The following ETF1 variants were observed in gnomAD, a reference collection of about 807,000 sequenced individuals.
The protein encoded by ETF1 is eukaryotic peptide chain release factor subunit 1.
In ETF1, 4 loss-of-function variants were observed where a neutral mutation model predicts 55.1. That is an observed-to-expected ratio of 0.07 (90% CI 0.04 to 0.17). ETF1 has a LOEUF of 0.17. ETF1 is among the 10% of genes least tolerant of loss of function. The pLI, the probability that ETF1 is intolerant of heterozygous loss-of-function variation, is 1.00. For missense variants in ETF1, 142 were observed against 523.6 expected (o/e 0.27, Z 7.11); for synonymous variants, 157 against 182.3 (o/e 0.86, Z 1.12).
chr5:138,535,535 C>G (rs1276217968), intron 2 of ETF1, among the ~76,000 whole-genome samples: 2 of 151,910 alleles, frequency 1.3e-5, no homozygotes, highest in East Asian at 3.9e-4. Context: ...GCTTTGCCAA[C>G]ATGGCAAAAC....
chr5:138,542,563 G>T, intron 2 of ETF1: 1 of 1,290,454 alleles, frequency 7.7e-7, no homozygotes, highest in Non-Finnish European at 1.0e-6. Flanking sequence ...GCCCGGGAGA[G>T]GTGCAAAAGT....
chr5:138,508,302 T>C lies in ETF1; in HGVS notation c.*3A>G, dbSNP rs1455443956. ...CACGTTTTGCCGGACCCATGTCGAC[T>C]ACCTAGTAGTCATCAAGGTCAAAAA... On this transcript the variant is annotated 3_prime_UTR_variant, in exon 11 of 11. Transcript: ENST00000360541. 2 of 1,611,646 alleles carry C rather than the reference T, an allele frequency of 1.2e-6. No individual in the cohort carries two copies. Among genetic ancestry groups the C allele is most frequent in the Admixed American group, 1.7e-5 (1 of 59,664 alleles).
chr5:138,542,011 T>G (rs1434396089), intron 2 of ETF1, among the ~76,000 whole-genome samples: 1 of 152,098 alleles, frequency 6.6e-6, no homozygotes, highest in Non-Finnish European at 1.5e-5. Context: ...TGAATCTCAC[T>G]CAACAAGCAT....
intron 2 of ETF1, among the ~76,000 whole-genome samples, chr5:138,537,339 C>T (rs1218338632): frequency 1.3e-5 from 2 of 152,116 alleles, no homozygotes; most frequent in Non-Finnish European, 2.9e-5. Context: ...TTTGTATATA[C>T]AAAAGGAAAG....
chr5:138,540,227 G>A (rs558654722), intron 2 of ETF1, among the ~76,000 whole-genome samples: 1 of 152,100 alleles, frequency 6.6e-6, no homozygotes, highest in Admixed American at 6.6e-5. Context: ...ACACTGCTAA[G>A]GGGAGGAAAG....
At chr5:138,528,632 T>TA (rs1401749686) in intron 2 of ETF1, among the ~76,000 whole-genome samples, 1 of 152,214 alleles carries the variant, frequency 6.6e-6, no homozygotes, top group Non-Finnish European at 1.5e-5. Context: ...CTTGGCTTCT[T>TA]ATTCCTTTTG....
chr5:138,534,217 G>A (rs1765821769), intron 2 of ETF1, among the ~76,000 whole-genome samples: 1 of 152,124 alleles, frequency 6.6e-6, no homozygotes, highest in Non-Finnish European at 1.5e-5. Flanking sequence ...GTCCCCCAGA[G>A]AACAAAGATT....
intron 10 of ETF1, 113 bp from the exon 11 acceptor site, chr5:138,508,500 A>G: frequency 1.3e-6 from 2 of 1,565,338 alleles, no homozygotes; most frequent in Non-Finnish European, 1.7e-6. Flanking sequence ...TGCAGAAAGC[A>G]AAGAGGTAAT....
At chr5:138,525,711 C>T (rs901435710) in intron 2 of ETF1, among the ~76,000 whole-genome samples, 10 of 151,668 alleles carry the variant, frequency 6.6e-5, no homozygotes, top group African/African-American at 2.4e-4. Flanking sequence ...TGTGGGAGGC[C>T]GAGGCGGGTG....
chr5:138,512,263 T>A (rs1169948165), intron 6 of ETF1, among the ~76,000 whole-genome samples: 1,376 of 17,528 alleles, frequency 0.079, 32 homozygotes, highest in Middle Eastern at 0.19. Context: ...TATATATTTT[T>A]TTTTTTTTTT....
chr5:138,509,020 CTCCTCAG>C, intron 9 of ETF1: 2 of 985,034 alleles, frequency 2.0e-6, no homozygotes, highest in Middle Eastern at 5.2e-4. Flanking sequence ...AACAACACTT[CTCCTCAG>C]GCTCTACCCT....
chr5:138,524,474 G>C (rs1321605804), intron 2 of ETF1, among the ~76,000 whole-genome samples: 4 of 150,920 alleles, frequency 2.7e-5, no homozygotes, highest in Non-Finnish European at 5.9e-5. Context: ...AATTACCTAA[G>C]CCCTAGAGGT....
chr5:138,509,286 T>C (rs1764670851), intron 9 of ETF1: 1 of 515,280 alleles, frequency 1.9e-6, no homozygotes, highest in Non-Finnish European at 2.5e-6. Flanking sequence ...GTGATGCACT[T>C]AGAGCAAACC....
At chr5:138,539,242 G>C (rs1027198176) in intron 2 of ETF1, among the ~76,000 whole-genome samples, 4 of 152,146 alleles carry the variant, frequency 2.6e-5, no homozygotes, top group African/African-American at 9.7e-5. Flanking sequence ...GCTAGCACAG[G>C]CTCTAGTTAT....
chr5:138,525,221 G>C (rs554044817), intron 2 of ETF1, among the ~76,000 whole-genome samples: 22 of 151,600 alleles, frequency 1.5e-4, no homozygotes, highest in South Asian at 6.3e-4. Flanking sequence ...GCAGTGGGGC[G>C]ATCTTGGCTT....
intron 2 of ETF1, among the ~76,000 whole-genome samples, chr5:138,542,210 G>GT (rs942050622): frequency 2.9e-4 from 44 of 152,164 alleles, no homozygotes; most frequent in African/African-American, 1.0e-3. Flanking sequence ...GGCATTTTCA[G>GT]TTTATAGGTG....
chr5:138,535,513 A>G (rs1424618386), intron 2 of ETF1, among the ~76,000 whole-genome samples: 1 of 151,870 alleles, frequency 6.6e-6, no homozygotes, highest in African/African-American at 2.4e-5. Context: ...TGAGGTCAGG[A>G]GTTCGAGACC....
In ETF1 at chr5:138,543,205, G is replaced by A. The variant is rs975024001; in HGVS notation, c.-127C>T. ...GCTCCCTCTCTCCAGGCAGCTGCATGTGTTGCAATCCGCTCACATGGGGCC... is the reference window on the plus strand; with the variant it reads ...GCTCCCTCTCTCCAGGCAGCTGCATATGTTGCAATCCGCTCACATGGGGCC... On this transcript the variant is annotated 5_prime_UTR_variant, in exon 1 of 11. Transcript: ENST00000360541. The A allele has an allele frequency of 5.6e-6, 3 of 537,366 alleles. No individual in the cohort carries two copies. The highest frequency in any genetic ancestry group is 3.4e-5 in the Admixed American group (1 of 29,174). The allele number at this position is 537,366 out of a possible 1,614,324, so 33.3% of individuals were successfully genotyped here.
intron 4 of ETF1, among the ~76,000 whole-genome samples, chr5:138,516,980 G>C (rs1765045966): frequency 6.6e-6 from 1 of 152,106 alleles, no homozygotes; most frequent in Admixed American, 6.5e-5. Flanking sequence ...AATCAAAAGG[G>C]ATGAAATGTA....
Sources: gnomAD v4.1 joint callset for allele counts (sites outside exome capture counted in the v4.1 genomes callset) on GRCh38, gnomAD v4.1.1 for gene constraint, MANE v1.5 for transcripts, NCBI Gene and HGNC (gene_info 2026-07-23, HGNC 2026-07-21) for gene names.